The following LIPC variants were observed in gnomAD, a reference collection of about 807,000 sequenced individuals.
LIPC encodes the protein lipase C, hepatic type.
LIPC carries 44 observed loss-of-function variants against 50.7 expected under a neutral mutation model. The ratio of observed to expected loss-of-function variants is 0.87; its 90% CI spans 0.68 to 1.11. The LOEUF (loss-of-function observed/expected upper bound fraction) is 1.11. Ranked by LOEUF, LIPC falls within the 50% of genes most tolerant of loss-of-function variation. LIPC has a pLI of 0.00. For missense variants in LIPC, 697 were observed against 648.2 expected (o/e 1.08, Z -0.82); for synonymous variants, 271 against 256.4 (o/e 1.06, Z -0.54).
At chr15:58,535,782 T>C (rs1358437043) in intron 1 of LIPC, among the ~76,000 whole-genome samples, 9 of 152,238 alleles carry the variant, frequency 5.9e-5, no homozygotes, top group Admixed American at 5.9e-4. Flanking sequence ...CCTCATAAGA[T>C]AGGCACTATT....
chr15:58,541,493 C>A (rs1186331716), intron 2 of LIPC, among the ~76,000 whole-genome samples: 1 of 114,324 alleles, frequency 8.7e-6, no homozygotes, highest in African/African-American at 3.5e-5. Context: ...CGGGAGGGGG[C>A]GGGGGGGAAC....
At chr15:58,503,461 G>C (rs1209225067) in intron 1 of LIPC, among the ~76,000 whole-genome samples, 1 of 152,196 alleles carries the variant, frequency 6.6e-6, no homozygotes, top group Non-Finnish European at 1.5e-5. Flanking sequence ...TGGTACCAAG[G>C]AATCATTGGC....
At chr15:58,485,179 G>A (rs1440835004) in intron 1 of LIPC, among the ~76,000 whole-genome samples, 4 of 152,302 alleles carry the variant, frequency 2.6e-5, no homozygotes, top group South Asian at 2.1e-4. Context: ...CATTGGAAGA[G>A]GACGGCGGGG....
chr15:58,545,599 A>G, intron 4 of LIPC, 143 bp from the exon 5 acceptor site: 1 of 688,916 alleles, frequency 1.5e-6, no homozygotes, highest in South Asian at 1.8e-5. Context: ...GGTTACGGCG[A>G]GGTTTTCTAG....
intron 1 of LIPC, among the ~76,000 whole-genome samples, chr15:58,489,071 T>C (rs1891476322): frequency 6.6e-6 from 1 of 152,062 alleles, no homozygotes; most frequent in African/African-American, 2.4e-5. Flanking sequence ...CGCCTTCTAC[T>C]TCACAACAAT....
At chr15:58,513,787 C>G (rs1452434534) in intron 1 of LIPC, among the ~76,000 whole-genome samples, 2 of 152,156 alleles carry the variant, frequency 1.3e-5, no homozygotes, top group Non-Finnish European at 2.9e-5. Flanking sequence ...GCATCTATGT[C>G]CTGGCTCCAC....
intron 1 of LIPC, among the ~76,000 whole-genome samples, chr15:58,498,319 G>T (rs1167755349): frequency 6.6e-6 from 1 of 152,136 alleles, no homozygotes; most frequent in African/African-American, 2.4e-5. Context: ...CTTACAATCT[G>T]CATTTCTAAC....
chr15:58,542,064 A>T, intron 3 of LIPC, 97 bp downstream of exon 3: 1 of 1,343,212 alleles, frequency 7.4e-7, no homozygotes, highest in South Asian at 1.2e-5. Flanking sequence ...CAGCCCAGGC[A>T]GGAGAAGCAC....
At chr15:58,564,088 C>CT (rs1158720041) in intron 8 of LIPC, 25 of 304,820 alleles carry the variant, frequency 8.2e-5, no homozygotes, top group Non-Finnish European at 1.2e-4. Context: ...GATGCAACAT[C>CT]TTTTTTTTAT....
At chr15:58,495,025 G>T in intron 1 of LIPC, 1 of 377,028 alleles carries the variant, frequency 2.7e-6, no homozygotes, top group South Asian at 2.0e-5. Flanking sequence ...CCCTTACCCT[G>T]CCCTAAGGGC....
chr15:58,520,680 C>T (rs1169722180), intron 1 of LIPC, among the ~76,000 whole-genome samples: 2 of 152,262 alleles, frequency 1.3e-5, no homozygotes, highest in East Asian at 1.9e-4. Context: ...GGTTGAGAGC[C>T]GCTGTATACC....
intron 1 of LIPC, chr15:58,494,713 A>G (rs1891706517): frequency 4.4e-6 from 2 of 451,856 alleles, no homozygotes; most frequent in Admixed American, 2.4e-5. Flanking sequence ...TTTGCAAAAT[A>G]CAGCTTGGGT....
At chr15:58,450,590 A>G (rs558503611) in intron 1 of LIPC, among the ~76,000 whole-genome samples, 2 of 152,332 alleles carry the variant, frequency 1.3e-5, no homozygotes, top group East Asian at 3.9e-4. Flanking sequence ...GTCAATTTCC[A>G]TAAGTATGTG....
intron 2 of LIPC, among the ~76,000 whole-genome samples, chr15:58,538,731 A>G (rs1469384456): frequency 1.3e-5 from 2 of 152,172 alleles, no homozygotes; most frequent in South Asian, 2.1e-4. Context: ...AAATATAATT[A>G]TCTCCATGTT....
At chr15:58,558,758 T>C (rs1230370113) in intron 6 of LIPC, among the ~76,000 whole-genome samples, 3 of 152,172 alleles carry the variant, frequency 2.0e-5, no homozygotes, top group Non-Finnish European at 4.4e-5. Context: ...CCCAAAATGT[T>C]GGGGACTGCT....
intron 1 of LIPC, among the ~76,000 whole-genome samples, chr15:58,516,570 C>G (rs1368351631): frequency 6.6e-6 from 1 of 152,090 alleles, no homozygotes; most frequent in African/African-American, 2.4e-5. Flanking sequence ...GCTGTGAATT[C>G]AAGTCCACTA....
chr15:58,535,425 G>A (rs28414796), intron 1 of LIPC, among the ~76,000 whole-genome samples: 84 of 152,320 alleles, frequency 5.5e-4, no homozygotes, highest in African/African-American at 2.0e-3. Context: ...AAAGCCTCCG[G>A]GAAGGGAGAA....
intron 1 of LIPC, among the ~76,000 whole-genome samples, chr15:58,461,503 G>A (rs1472569990): frequency 6.6e-6 from 1 of 152,126 alleles, no homozygotes; most frequent in Non-Finnish European, 1.5e-5. Context: ...TTGGCTCCCT[G>A]GTTCAAGCGA....
intron 1 of LIPC, among the ~76,000 whole-genome samples, chr15:58,469,071 T>C (rs548678622): frequency 9.0e-4 from 136 of 151,924 alleles, no homozygotes; most frequent in African/African-American, 3.1e-3. Context: ...TCTATTTTTT[T>C]CTAATAACTT....
Sources: allele counts gnomAD v4.1 joint callset (sites outside exome capture counted in the v4.1 genomes callset), GRCh38; gene constraint gnomAD v4.1.1; transcripts MANE v1.5; gene names NCBI Gene and HGNC (gene_info 2026-07-23, HGNC 2026-07-21).